PROM1: variants seen among roughly 807,000 people sequenced by gnomAD.
PROM1 encodes the protein prominin 1, also known as prominin-1.
In PROM1, 105 loss-of-function variants were observed where a neutral mutation model predicts 116.9. The observed-to-expected ratio is 0.90, with a 90% confidence interval of 0.77 to 1.06. PROM1 has a LOEUF of 1.06. Ranked by LOEUF, PROM1 falls within the 50% of genes least tolerant of loss-of-function variation. The probability of loss-of-function intolerance (pLI) is 0.00; values close to 1 mark genes in which losing one functional copy is unlikely to be tolerated. For missense variants in PROM1, 1,122 were observed against 1,045.2 expected (o/e 1.07, Z -1.01); for synonymous variants, 393 against 387.0 (o/e 1.02, Z -0.18).
intron 24 of PROM1, chr4:15,980,190 G>A: frequency 1.6e-6 from 1 of 617,916 alleles, no homozygotes; most frequent in South Asian, 1.9e-5. Context: ...TAAAAAGGCT[G>A]GTTAGGGAAG....
intron 18 of PROM1, 32 bp from the exon 19 acceptor site, chr4:15,989,856 C>T (rs1376478898): frequency 4.0e-6 from 6 of 1,506,532 alleles, no homozygotes; most frequent in Non-Finnish European, 5.5e-6. Flanking sequence ...AAGATCAATA[C>T]CATCTTTCCA....
At position 16,076,019 on chromosome 4, in the gene PROM1, C is replaced by T; in HGVS notation, c.-113G>A. 1.4e-6 allele frequency: 2 copies of T among 1,446,796 alleles called. No homozygotes were observed. The highest frequency in any genetic ancestry group is 1.8e-6 in the Non-Finnish European group (2 of 1,099,442). The allele number at this position is 1,446,796 out of a possible 1,614,324, so 89.6% of individuals were successfully genotyped here. On this transcript the variant is annotated 5_prime_UTR_variant, in exon 2 of 28. It adds an upstream start codon to the 5' untranslated region. Coordinates refer to ENST00000447510, the MANE Select transcript of PROM1 (RefSeq NM_006017.3). Reference sequence around the variant, plus strand: ...CTGGGCAGAAGAGGAGCAGGAAGCACTGGATCTGCTGAATCTTCAGTTTTC... The same window carrying T: ...CTGGGCAGAAGAGGAGCAGGAAGCATTGGATCTGCTGAATCTTCAGTTTTC...
chr4:16,042,985 C>G (rs910304593), intron 2 of PROM1, among the ~76,000 whole-genome samples: 1 of 152,118 alleles, frequency 6.6e-6, no homozygotes, highest in Non-Finnish European at 1.5e-5. Context: ...CTTTTGGAAA[C>G]TATAGTTATT....
chr4:16,038,547 C>A (rs556158446), intron 3 of PROM1, among the ~76,000 whole-genome samples: 1 of 152,080 alleles, frequency 6.6e-6, no homozygotes, highest in Non-Finnish European at 1.5e-5. Context: ...GGACTACAGG[C>A]GAGTGCCACC....
chr4:16,052,383 A>G (rs1738086201), intron 2 of PROM1, among the ~76,000 whole-genome samples: 1 of 152,210 alleles, frequency 6.6e-6, no homozygotes, highest in African/African-American at 2.4e-5. Context: ...TTTCTACAAC[A>G]TGGTATCAGA....
chr4:16,044,421 C>T (rs142835589), intron 2 of PROM1, among the ~76,000 whole-genome samples: 17 of 152,304 alleles, frequency 1.1e-4, no homozygotes, highest in Non-Finnish European at 1.9e-4. Context: ...CTTGCTTGGG[C>T]ACTTGTGTTT....
chr4:15,991,212 T>G lies in PROM1; in HGVS notation c.1983+10A>C. 1 of 1,602,328 alleles carries G rather than the reference T, an allele frequency of 6.2e-7. No individual in the cohort carries two copies. Among genetic ancestry groups the G allele is most frequent in the Non-Finnish European group, 8.5e-7 (1 of 1,173,544 alleles). ...CTACTACAGTATTTAACCGGACGAT[T>G]TGAACTCACCAAACTGTTTGCTTTT... On this transcript the variant is annotated intron_variant, in intron 18 of 27. Transcript: ENST00000447510.
chr4:16,018,648 G>T, intron 8 of PROM1, 108 bp from the exon 9 acceptor site: 1 of 952,846 alleles, frequency 1.0e-6, no homozygotes, highest in Non-Finnish European at 1.6e-6. Flanking sequence ...TTAGATGGCA[G>T]TGAGAGGGAC....
intron 5 of PROM1, among the ~76,000 whole-genome samples, chr4:16,026,064 T>C (rs575158082): frequency 3.3e-5 from 5 of 152,172 alleles, no homozygotes; most frequent in Non-Finnish European, 7.3e-5. Flanking sequence ...CACTTACGCA[T>C]ATGTACTTGT....
At chr4:16,009,749 G>A (rs1726412740) in intron 11 of PROM1, among the ~76,000 whole-genome samples, 1 of 152,008 alleles carries the variant, frequency 6.6e-6, no homozygotes, top group African/African-American at 2.4e-5. Flanking sequence ...AGACCAGCCT[G>A]ACCAACATGG....
intron 2 of PROM1, among the ~76,000 whole-genome samples, chr4:16,047,987 A>G (rs1326541239): frequency 1.3e-5 from 2 of 152,224 alleles, no homozygotes; most frequent in Admixed American, 1.3e-4. Context: ...CTGAGTTCAA[A>G]TAAATGCCTT....
chr4:15,980,552 T>A lies in PROM1; in HGVS notation c.2374-15A>T, dbSNP rs1717567152. 4 of 1,428,258 alleles carry A rather than the reference T, an allele frequency of 2.8e-6. No individual in the cohort carries two copies. Among genetic ancestry groups the A allele is most frequent in the Non-Finnish European group, 3.8e-6 (4 of 1,047,790 alleles). 88.5% of individuals were successfully genotyped at this position (1,428,258 alleles called of 1,614,324 possible). A position where few individuals can be genotyped will look rare whatever the true frequency, so the allele number is the denominator to read the frequency against. On this transcript the variant is annotated splice_polypyrimidine_tract_variant and intron_variant, in intron 23 of 27. Coordinates refer to ENST00000447510, the MANE Select transcript of PROM1 (RefSeq NM_006017.3). ...CAAAACAAATTCTAGGAAAAAAAAATCAGAAGAATTAAATGTTTGAAGATA... is the reference window on the plus strand; with the variant it reads ...CAAAACAAATTCTAGGAAAAAAAAAACAGAAGAATTAAATGTTTGAAGATA...
Position 16,075,129 on chromosome 4 carries a change from A to C in PROM1, c.220+558T>G, listed in dbSNP as rs1428174763. ...AGCACTGTGTGTGATGAATAACAGC[A>C]CTATGGCATGACAGTTCTGGAAAGT... On this transcript the variant is annotated intron_variant, in intron 2 of 27. Transcript: ENST00000447510. 2.6e-5 allele frequency among the ~76,000 whole-genome samples: 4 copies of C among 152,232 alleles called. No individual in the cohort carries two copies. The East Asian group carries it at 7.7e-4, about 29-fold the overall frequency.
chr4:15,982,853 T>G (rs1480139295), intron 23 of PROM1, among the ~76,000 whole-genome samples: 1 of 152,166 alleles, frequency 6.6e-6, no homozygotes, highest in Non-Finnish European at 1.5e-5. Flanking sequence ...GTCTGCGTGG[T>G]TGGGTCGGAG....
intron 3 of PROM1, among the ~76,000 whole-genome samples, chr4:16,037,135 G>A (rs898550606): frequency 5.9e-5 from 9 of 152,134 alleles, no homozygotes; most frequent in Non-Finnish European, 1.0e-4. Flanking sequence ...TCAGGACCTC[G>A]TTCTCCAAGT....
At chr4:16,059,853 C>CA (rs1414759123) in intron 2 of PROM1, among the ~76,000 whole-genome samples, 6 of 151,912 alleles carry the variant, frequency 3.9e-5, no homozygotes, top group African/African-American at 9.7e-5. Context: ...TAAACTACCT[C>CA]ACAGCAATTA....
intron 2 of PROM1, 68 bp from the exon 3 acceptor site, chr4:16,039,069 A>C (rs1047117405): frequency 3.8e-6 from 5 of 1,301,566 alleles, no homozygotes; most frequent in Non-Finnish European, 5.1e-6. Context: ...TATTTAGAAA[A>C]AGATCTTTAT....
intron 1 of PROM1, 61 bp from the exon 2 acceptor site, chr4:16,076,179 C>A: frequency 9.8e-6 from 5 of 510,450 alleles, no homozygotes; most frequent in Non-Finnish European, 9.6e-6. Context: ...GCACCTGGAG[C>A]TGCCCGGAGA....
chr4:16,076,095 G>T lies in PROM1; in HGVS notation c.-189C>A. The T allele has an allele frequency of 5.7e-6, 7 of 1,221,798 alleles. No individual in the cohort carries two copies. The highest frequency in any genetic ancestry group is 7.7e-6 in the Non-Finnish European group (7 of 914,386). The allele number at this position is 1,221,798 out of a possible 1,614,324, so 75.7% of individuals were successfully genotyped here. On this transcript the variant is annotated 5_prime_UTR_variant, in exon 2 of 28. Transcript: ENST00000447510. ...GATGCGGAAGAATGTTCTCCAAGGG[G>T]GTCATTCACTCAAGGCACCATCCCT...
Sources: gnomAD v4.1 joint callset for allele counts (sites outside exome capture counted in the v4.1 genomes callset) on GRCh38, gnomAD v4.1.1 for gene constraint, MANE v1.5 for transcripts, NCBI Gene and HGNC (gene_info 2026-07-23, HGNC 2026-07-21) for gene names.